The following XKR4 variants were observed in gnomAD, a reference collection of about 807,000 sequenced individuals.
XKR4 encodes XK-related protein 4.
Under a neutral mutation model 53.9 loss-of-function variants are expected in XKR4, and 12 were observed. The ratio of observed to expected loss-of-function variants is 0.22; its 90% CI spans 0.14 to 0.36. The LOEUF (loss-of-function observed/expected upper bound fraction) is 0.36, where lower values mean the gene tolerates loss of function less well. XKR4 is among the 10% of genes least tolerant of loss of function. The pLI, the probability that XKR4 is intolerant of heterozygous loss-of-function variation, is 1.00. For synonymous variants in XKR4, 354 were observed against 362.4 expected (o/e 0.98, Z 0.26); for missense variants, 799 against 859.5 (o/e 0.93, Z 0.88).
chr8:55,385,457 C>T (rs961758011), intron 2 of XKR4, among the ~76,000 whole-genome samples: 10 of 152,216 alleles, frequency 6.6e-5, no homozygotes, highest in Admixed American at 2.6e-4. Context: ...TTCCCTTCCC[C>T]GCTAAGCCAT....
intron 1 of XKR4, among the ~76,000 whole-genome samples, chr8:55,178,289 G>C (rs1199503014): frequency 6.6e-6 from 1 of 152,148 alleles, no homozygotes; most frequent in Non-Finnish European, 1.5e-5. Context: ...AAATAACCTA[G>C]TTGAGTGAGC....
chr8:55,424,330 A>G (rs1490664112), intron 2 of XKR4, among the ~76,000 whole-genome samples: 1 of 152,250 alleles, frequency 6.6e-6, no homozygotes, highest in Non-Finnish European at 1.5e-5. Context: ...TGTTATAGTC[A>G]ACATTTTTTA....
intron 2 of XKR4, among the ~76,000 whole-genome samples, chr8:55,386,559 G>A (rs1045368122): frequency 1.3e-5 from 2 of 152,216 alleles, no homozygotes; most frequent in Admixed American, 6.5e-5. Context: ...GTTTCTGTAG[G>A]TTAAAGTTCT....
intron 1 of XKR4, among the ~76,000 whole-genome samples, chr8:55,156,895 A>C (rs546605279): frequency 6.6e-6 from 1 of 152,346 alleles, no homozygotes; most frequent in East Asian, 1.9e-4. Context: ...AGTCTCTGAG[A>C]AAATTGTTAA....
rs917898675 is a variant in XKR4, at chr8:55,539,786, C to A, written c.*15559C>A. On this transcript the variant is annotated 3_prime_UTR_variant, in exon 3 of 3. Coordinates refer to ENST00000327381, the MANE Select transcript of XKR4 (RefSeq NM_052898.2). ...AATACTGTGTTTTTATTTGTTTTTGCAGAAGAAAACTGGTGTTGCCTATTT... is the reference window on the plus strand; with the variant it reads ...AATACTGTGTTTTTATTTGTTTTTGAAGAAGAAAACTGGTGTTGCCTATTT... 1.3e-5 allele frequency: 2 copies of A among 152,020 alleles called. No individual in the cohort carries two copies. Among genetic ancestry groups the A allele is most frequent in the African/African-American group, 4.8e-5 (2 of 41,378 alleles). 9.4% of individuals were successfully genotyped at this position (152,020 alleles called of 1,614,324 possible).
intron 1 of XKR4, among the ~76,000 whole-genome samples, chr8:55,165,950 G>A (rs1817059843): frequency 6.6e-6 from 1 of 152,136 alleles, no homozygotes; most frequent in South Asian, 2.1e-4. Context: ...AATGAATCCA[G>A]ATACTTTCTA....
chr8:55,380,348 C>G (rs1804213525), intron 2 of XKR4, among the ~76,000 whole-genome samples: 1 of 152,136 alleles, frequency 6.6e-6, no homozygotes, highest in Admixed American at 6.5e-5. Context: ...TATCATAACC[C>G]CCTTCAAAAA....
intron 1 of XKR4, among the ~76,000 whole-genome samples, chr8:55,247,855 CTT>C (rs1166258777): frequency 3.0e-3 from 177 of 59,864 alleles, no homozygotes; most frequent in African/African-American, 7.6e-3. Flanking sequence ...TTCTTTCTTT[CTT>C]TTTTTTTTTT....
intron 1 of XKR4, among the ~76,000 whole-genome samples, chr8:55,306,952 G>C (rs889082850): frequency 4.1e-5 from 6 of 145,128 alleles, no homozygotes; most frequent in African/African-American, 1.6e-4. Context: ...AAAAAAAAAA[G>C]AGCCTCAACC....
intron 1 of XKR4, among the ~76,000 whole-genome samples, chr8:55,325,574 G>T (rs1488304525): frequency 2.0e-5 from 3 of 152,152 alleles, no homozygotes; most frequent in Non-Finnish European, 4.4e-5. Context: ...AATAAAATAT[G>T]CTAAACCTAA....
At chr8:55,450,564 C>G in intron 2 of XKR4, 1 of 714,898 alleles carries the variant, frequency 1.4e-6, no homozygotes, top group Non-Finnish European at 2.5e-6. Flanking sequence ...TGGTGGTAGC[C>G]GAGGAACTTG....
intron 1 of XKR4, among the ~76,000 whole-genome samples, chr8:55,149,367 C>T (rs544927125): frequency 2.0e-4 from 30 of 151,962 alleles, no homozygotes; most frequent in South Asian, 6.2e-4. Flanking sequence ...TACGCTGTGA[C>T]GTAGGAGAAT....
chr8:55,332,824 TCTTTC>T (rs1803400983), intron 1 of XKR4, among the ~76,000 whole-genome samples: 1 of 152,054 alleles, frequency 6.6e-6, no homozygotes, highest in Non-Finnish European at 1.5e-5. Context: ...CCTTTCTCTC[TCTTTC>T]ATTTTTTTTT....
At chr8:55,515,274 A>G (rs1806695277) in intron 2 of XKR4, among the ~76,000 whole-genome samples, 1 of 152,232 alleles carries the variant, frequency 6.6e-6, no homozygotes, top group Non-Finnish European at 1.5e-5. Flanking sequence ...AACTATTACA[A>G]GGTTTAAAAC....
At chr8:55,516,711 T>C (rs1806719321) in intron 2 of XKR4, among the ~76,000 whole-genome samples, 1 of 152,208 alleles carries the variant, frequency 6.6e-6, no homozygotes. Flanking sequence ...GAAAACAGTA[T>C]GGAGATTTCT....
chr8:55,530,500 G>A lies in XKR4; in HGVS notation c.*6273G>A, dbSNP rs1045918511. 1 of 152,204 alleles carries A rather than the reference G, an allele frequency of 6.6e-6. No individual in the cohort carries two copies. 9.4% of individuals were successfully genotyped at this position (152,204 alleles called of 1,614,324 possible). On this transcript the variant is annotated 3_prime_UTR_variant, in exon 3 of 3. Coordinates refer to ENST00000327381, the MANE Select transcript of XKR4 (RefSeq NM_052898.2). Reference sequence around the variant, plus strand: ...ATATAGCATGTCTGAAGGTCTGCAAGATGACAGAGTTGTAACCCATTCAAT... The same window carrying A: ...ATATAGCATGTCTGAAGGTCTGCAAAATGACAGAGTTGTAACCCATTCAAT...
intron 2 of XKR4, among the ~76,000 whole-genome samples, chr8:55,496,061 C>T (rs1489669368): frequency 6.6e-6 from 1 of 152,210 alleles, no homozygotes; most frequent in Non-Finnish European, 1.5e-5. Context: ...CAAAGCTCAC[C>T]TGCTGGCTGT....
chr8:55,250,878 G>C (rs1011038882), intron 1 of XKR4, among the ~76,000 whole-genome samples: 1 of 152,142 alleles, frequency 6.6e-6, no homozygotes, highest in Non-Finnish European at 1.5e-5. Context: ...AAACCCTGTT[G>C]TTAGGCACTT....
intron 2 of XKR4, among the ~76,000 whole-genome samples, chr8:55,368,499 T>C: frequency 6.6e-6 from 1 of 152,032 alleles, no homozygotes; most frequent in East Asian, 1.9e-4. Flanking sequence ...ACCATTGCCC[T>C]TTCACTCTCC....
Sources: gnomAD v4.1 joint callset for allele counts (sites outside exome capture counted in the v4.1 genomes callset) on GRCh38, gnomAD v4.1.1 for gene constraint, MANE v1.5 for transcripts, NCBI Gene and HGNC (gene_info 2026-07-23, HGNC 2026-07-21) for gene names.